Variants in SUPT3H observed in about 807,000 individuals in gnomAD.
SUPT3H encodes SPT3 homolog, SAGA and STAGA complex component.
SUPT3H carries 44 observed loss-of-function variants against 44.3 expected under a neutral mutation model. The observed-to-expected ratio is 0.99, with a 90% CI of 0.78 to 1.28. The LOEUF (loss-of-function observed/expected upper bound fraction) is 1.28. Among genes scored for constraint, SUPT3H ranks in the 50% most tolerant of loss-of-function variants. SUPT3H has a pLI of 0.00. For missense variants in SUPT3H, 380 were observed against 387.1 expected, an observed-to-expected ratio of 0.98 and a Z score of 0.15; for synonymous variants, 124 against 125.6, an observed-to-expected ratio of 0.99 and a Z score of 0.09.
intron 3 of SUPT3H, among the ~76,000 whole-genome samples, chr6:45,028,757 T>G (rs1786421944): frequency 6.6e-6 from 1 of 151,956 alleles, no homozygotes; most frequent in Admixed American, 6.6e-5. Context: ...GCCATTCATG[T>G]TTCTCTCCTA....
intron 3 of SUPT3H, among the ~76,000 whole-genome samples, chr6:45,081,657 T>C (rs1303630325): frequency 6.6e-6 from 1 of 152,132 alleles, no homozygotes; most frequent in Admixed American, 6.5e-5. Flanking sequence ...CTCTACGTCT[T>C]ATATATACAC....
chr6:45,060,180 C>A (rs1282120853), intron 3 of SUPT3H, among the ~76,000 whole-genome samples: 4 of 152,078 alleles, frequency 2.6e-5, no homozygotes, highest in Admixed American at 2.0e-4. Flanking sequence ...AGGCATCATG[C>A]TACCTGACTT....
At chr6:44,853,768 G>C (rs571951978) in intron 10 of SUPT3H, among the ~76,000 whole-genome samples, 1 of 152,044 alleles carries the variant, frequency 6.6e-6, no homozygotes, top group South Asian at 2.1e-4. Context: ...CAAATTATGG[G>C]AAGGTGAGGG....
chr6:44,946,553 T>C (rs1773379048), intron 9 of SUPT3H, among the ~76,000 whole-genome samples: 1 of 152,114 alleles, frequency 6.6e-6, no homozygotes, highest in Admixed American at 6.5e-5. Flanking sequence ...CAGACTTCAG[T>C]GGAGGAGGTA....
intron 11 of SUPT3H, among the ~76,000 whole-genome samples, chr6:44,813,776 T>C (rs1318196996): frequency 6.7e-6 from 1 of 149,332 alleles, no homozygotes; most frequent in Non-Finnish European, 1.5e-5. Flanking sequence ...AAATACAAGA[T>C]AGGTCAGTAG....
At chr6:45,069,062 G>A (rs1218592714) in intron 3 of SUPT3H, among the ~76,000 whole-genome samples, 1 of 151,906 alleles carries the variant, frequency 6.6e-6, no homozygotes, top group Non-Finnish European at 1.5e-5. Context: ...ACTTTACAAT[G>A]CTTAGAGCAC....
intron 2 of SUPT3H, among the ~76,000 whole-genome samples, chr6:45,285,855 T>C (rs962865117): frequency 2.6e-5 from 4 of 152,010 alleles, no homozygotes; most frequent in Admixed American, 2.6e-4. Flanking sequence ...TACTACAAGG[T>C]GACAGTAACC....
chr6:45,002,879 A>AG (rs398001382), intron 6 of SUPT3H, among the ~76,000 whole-genome samples: 1 of 150 alleles, frequency 6.7e-3, no homozygotes, highest in East Asian at 0.25. Flanking sequence ...CACTTAGCAC[A>AG]TCTTTTGCAA....
chr6:45,224,778 C>CAA (rs771850561), intron 2 of SUPT3H, among the ~76,000 whole-genome samples: 1 of 102,566 alleles, frequency 9.7e-6, no homozygotes. Context: ...ACTTTGTCTC[C>CAA]AAAAAAAAAA....
In SUPT3H at chr6:45,040,098, T is replaced by C. The variant is rs146549326; in HGVS notation, c.187-19466A>G. ...CAAACTTTTAATATAAAGGACCAAA[T>C]AATAAATATCATCAGCTTTTTAGGC... is the stretch of plus-strand genomic sequence containing the variant. On this transcript the variant is annotated intron_variant, in intron 3 of 10. Transcript: ENST00000371459. 7.9e-5 allele frequency among the ~76,000 whole-genome samples: 12 copies of C among 152,264 alleles called. No individual in the cohort carries two copies. In the South Asian group the frequency reaches 1.7e-3, roughly 21 times the overall value.
chr6:45,128,524 AAAAAAAAAAATATATATATATAT>A (rs1160431984), intron 2 of SUPT3H, among the ~76,000 whole-genome samples: 1 of 63,298 alleles, frequency 1.6e-5, no homozygotes, highest in East Asian at 3.6e-4. Context: ...AAAAAAAAAA[AAAAAAAAAAATATATATATATAT>A]ATATATATAT....
At chr6:45,179,138 A>G (rs1812611780) in intron 2 of SUPT3H, among the ~76,000 whole-genome samples, 1 of 152,218 alleles carries the variant, frequency 6.6e-6, no homozygotes, top group African/African-American at 2.4e-5. Context: ...GAAGAAATGG[A>G]TAAATTCCTC....
rs1239123481 is a variant in SUPT3H at position 45,335,913 on chromosome 6, G to C, written c.101+29288C>G. 5.3e-5 allele frequency among the ~76,000 whole-genome samples: 8 copies of C among 151,366 alleles called. No individual in the cohort carries two copies. In the East Asian group the frequency reaches 1.2e-3, roughly 22 times the overall value. ...GAAAAACTTGCTACTGCTCTTATAA[G>C]AGTCAATGCAAAAATGAAATATTTA... is the stretch of plus-strand genomic sequence containing the variant. On this transcript the variant is annotated intron_variant, in intron 2 of 10. Coordinates refer to ENST00000371459, the MANE Select transcript of SUPT3H (RefSeq NM_003599.4).
At chr6:45,286,287 T>A (rs1255628663) in intron 2 of SUPT3H, among the ~76,000 whole-genome samples, 3 of 152,088 alleles carry the variant, frequency 2.0e-5, no homozygotes, top group East Asian at 1.9e-4. Flanking sequence ...AACAAAAGAA[T>A]CTACCATCAG....
chr6:44,954,794 G>A (rs1412793018), intron 7 of SUPT3H, among the ~76,000 whole-genome samples, 187 bp from the exon 8 acceptor site: 6 of 152,144 alleles, frequency 3.9e-5, no homozygotes, highest in Non-Finnish European at 8.8e-5. Flanking sequence ...TCAGTTATAA[G>A]GCAACACAAT....
At chr6:44,852,784 G>A (rs1773099954) in intron 10 of SUPT3H, among the ~76,000 whole-genome samples, 1 of 152,152 alleles carries the variant, frequency 6.6e-6, no homozygotes, top group South Asian at 2.1e-4. Flanking sequence ...CACAAAACAA[G>A]TAATTTGTAT....
rs371451184 is a variant in SUPT3H at position 44,862,553 on chromosome 6, T to TGTAA, written c.913-32700_913-32697dup. On this transcript the variant is annotated intron_variant, in intron 10 of 10. Coordinates refer to ENST00000371459, the MANE Select transcript of SUPT3H (RefSeq NM_003599.4). ...TTAGCCGGGCGTGGTGGCAGGCACC[T>TGTAA]GTAACCCCAGCTACTTGGGAGGCTG... Among the ~76,000 whole-genome samples the TGTAA allele has an allele frequency of 2.0e-3, 301 of 151,858 alleles. 3 individuals are homozygous for TGTAA. The highest frequency in any genetic ancestry group is 6.9e-3 in the African/African-American group (287 of 41,430).
At chr6:45,235,691 A>G (rs1466287106) in intron 2 of SUPT3H, among the ~76,000 whole-genome samples, 5 of 152,174 alleles carry the variant, frequency 3.3e-5, no homozygotes, top group African/African-American at 1.2e-4. Context: ...AACTGGAGAA[A>G]ATAAAGTTAA....
intron 6 of SUPT3H, among the ~76,000 whole-genome samples, chr6:44,980,431 G>A (rs189362676): frequency 4.4e-4 from 67 of 152,246 alleles, no homozygotes; most frequent in African/African-American, 1.3e-3. Context: ...ATGATGTTAC[G>A]TGAGGGCTTA....
Sources: gnomAD v4.1 joint callset for allele counts (sites outside exome capture counted in the v4.1 genomes callset) on GRCh38, gnomAD v4.1.1 for gene constraint, MANE v1.5 for transcripts, NCBI Gene and HGNC (gene_info 2026-07-23, HGNC 2026-07-21) for gene names.